AGBL4: variants seen among roughly 807,000 people sequenced by gnomAD.
AGBL4 encodes the protein AGBL carboxypeptidase 4, also known as cytosolic carboxypeptidase 6.
A neutral mutation model predicts 66.4 loss-of-function variants in AGBL4; 58 were observed. The observed-to-expected ratio is 0.87, with a 90% CI of 0.71 to 1.09. The LOEUF is 1.09. Among genes scored for constraint, AGBL4 ranks in the 50% least tolerant of loss-of-function variants. The pLI, the probability that AGBL4 is intolerant of heterozygous loss-of-function variation, is 0.00. For missense variants in AGBL4, 579 were observed against 631.0 expected, an observed-to-expected ratio of 0.92 and a Z score of 0.88; for synonymous variants, 234 against 222.9, an observed-to-expected ratio of 1.05 and a Z score of -0.44.
intron 3 of AGBL4, among the ~76,000 whole-genome samples, chr1:49,470,799 C>T (rs1036006351): frequency 6.6e-6 from 1 of 152,022 alleles, no homozygotes; most frequent in African/African-American, 2.4e-5. Context: ...TGCAGACATG[C>T]CTTTGAGCTG....
chr1:49,856,016 G>GAGA (rs1325832240), intron 1 of AGBL4, among the ~76,000 whole-genome samples: 3 of 143,214 alleles, frequency 2.1e-5, no homozygotes, highest in Non-Finnish European at 4.5e-5. Flanking sequence ...GATACAAAGA[G>GAGA]AGAAGACTCA....
rs1286100964 is a variant in AGBL4, at chr1:49,833,315, G to A, written c.157+18081C>T. Among the ~76,000 whole-genome samples the A allele has an allele frequency of 4.4e-4, 66 of 150,466 alleles. 1 individual carries two copies. Among genetic ancestry groups the A allele is most frequent in the Admixed American group, 7.9e-4 (12 of 15,120 alleles). ...GATCAGATAGTTGTAGATATGCGGC[G>A]TTATTTCTGAGGGCTCTGTTCTGTT... On this transcript the variant is annotated intron_variant, in intron 2 of 13. Coordinates refer to ENST00000371839, the MANE Select transcript of AGBL4 (RefSeq NM_032785.4).
intron 4 of AGBL4, among the ~76,000 whole-genome samples, chr1:49,060,232 A>T (rs1190442127): frequency 1.3e-5 from 2 of 152,116 alleles, no homozygotes; most frequent in East Asian, 1.9e-4. Flanking sequence ...TGTTCTCATG[A>T]TAGTGAGTGA....
intron 4 of AGBL4, among the ~76,000 whole-genome samples, chr1:49,223,720 C>T (rs1649677633): frequency 6.6e-6 from 1 of 152,202 alleles, no homozygotes. Flanking sequence ...TTTCTGTTCT[C>T]TGGATCTAAG....
chr1:49,579,918 C>T (rs900729090), intron 3 of AGBL4, among the ~76,000 whole-genome samples: 2 of 152,094 alleles, frequency 1.3e-5, no homozygotes, highest in Admixed American at 1.3e-4. Context: ...ATTGAAGTCC[C>T]CTGGTATTCT....
chr1:48,725,695 T>C, intron 6 of AGBL4, among the ~76,000 whole-genome samples: 1 of 152,208 alleles, frequency 6.6e-6, no homozygotes, highest in East Asian at 1.9e-4. Flanking sequence ...CTCCAGGACC[T>C]TGAGCAAGAA....
chr1:49,350,998 C>T (rs568854254), intron 3 of AGBL4, among the ~76,000 whole-genome samples: 1 of 152,316 alleles, frequency 6.6e-6, no homozygotes, highest in Non-Finnish European at 1.5e-5. Context: ...TTTGGGCACT[C>T]ACAGTTTTTT....
At chr1:49,400,367 T>G (rs185669231) in intron 3 of AGBL4, among the ~76,000 whole-genome samples, 1 of 147,544 alleles carries the variant, frequency 6.8e-6, no homozygotes, top group Admixed American at 6.9e-5. Context: ...CTATTCTGGG[T>G]CTTTTCTGAT....
At chr1:49,100,810 T>G (rs1476534814) in intron 4 of AGBL4, among the ~76,000 whole-genome samples, 2 of 152,160 alleles carry the variant, frequency 1.3e-5, no homozygotes, top group Non-Finnish European at 1.5e-5. Context: ...TATTATTATA[T>G]TACGTTCCTA....
At chr1:48,611,641 G>A (rs1291968106) in intron 9 of AGBL4, among the ~76,000 whole-genome samples, 14 of 152,054 alleles carry the variant, frequency 9.2e-5, no homozygotes, top group Admixed American at 9.2e-4. Flanking sequence ...CCAGAGTTTT[G>A]GCCATTATCC....
At chr1:49,573,413 A>G (rs916544444) in intron 3 of AGBL4, among the ~76,000 whole-genome samples, 15 of 152,162 alleles carry the variant, frequency 9.9e-5, no homozygotes, top group African/African-American at 3.6e-4. Context: ...AGAGTATACA[A>G]AATAAATGCA....
At position 49,730,099 on chromosome 1, in the gene AGBL4, T is replaced by G. The variant is rs377267883; in HGVS notation, c.158-32662A>C. ...TTCCAAACCTGTAAAAACCCTGGAC[T>G]CAGCCACACAGATGGCTTCTCACTT... On this transcript the variant is annotated intron_variant, in intron 2 of 13. Coordinates refer to ENST00000371839, the MANE Select transcript of AGBL4 (RefSeq NM_032785.4). Among the ~76,000 whole-genome samples the G allele has an allele frequency of 3.3e-4, 50 of 152,292 alleles. 1 individual carries two copies. The South Asian group carries it at 9.5e-3, about 29-fold the overall frequency.
At position 49,706,885 on chromosome 1, in the gene AGBL4, T is replaced by A. The variant is rs540508084; in HGVS notation, c.158-9448A>T. Reference sequence around the variant, plus strand: ...GAGTATCTTAATCTTGAACTCTAATTTGATTGCACTGTGGTCTGAAAGACT... The same window carrying A: ...GAGTATCTTAATCTTGAACTCTAATATGATTGCACTGTGGTCTGAAAGACT... On this transcript the variant is annotated intron_variant, in intron 2 of 13. Coordinates refer to ENST00000371839, the MANE Select transcript of AGBL4 (RefSeq NM_032785.4). 9.2e-5 allele frequency among the ~76,000 whole-genome samples: 14 copies of A among 152,308 alleles called. No individual in the cohort carries two copies. The South Asian group carries it at 2.9e-3, about 32-fold the overall frequency.
At chr1:49,476,448 A>G (rs1482924080) in intron 3 of AGBL4, among the ~76,000 whole-genome samples, 1 of 151,972 alleles carries the variant, frequency 6.6e-6, no homozygotes, top group East Asian at 1.9e-4. Flanking sequence ...ATTTAGGTCC[A>G]TATTTTTTTC....
chr1:48,845,569 A>G (rs1314065199), intron 6 of AGBL4, among the ~76,000 whole-genome samples: 1 of 152,214 alleles, frequency 6.6e-6, no homozygotes, highest in Non-Finnish European at 1.5e-5. Context: ...CTCTCTTTGC[A>G]AAAGCCTAAA....
At chr1:49,262,912 C>T (rs956069669) in intron 3 of AGBL4, among the ~76,000 whole-genome samples, 3 of 152,128 alleles carry the variant, frequency 2.0e-5, no homozygotes, top group African/African-American at 7.2e-5. Flanking sequence ...ACCCAAATGT[C>T]CAACAATGAT....
At chr1:48,620,475 T>C (rs1478436115) in intron 9 of AGBL4, among the ~76,000 whole-genome samples, 1 of 151,992 alleles carries the variant, frequency 6.6e-6, no homozygotes, top group Non-Finnish European at 1.5e-5. Context: ...GGAGGCTCTC[T>C]CTGTCTTGAA....
chr1:49,500,299 G>A (rs1185883815), intron 3 of AGBL4, among the ~76,000 whole-genome samples: 1 of 151,888 alleles, frequency 6.6e-6, no homozygotes, highest in Non-Finnish European at 1.5e-5. Context: ...TGCATAGTTT[G>A]CAAACATTTT....
intron 3 of AGBL4, among the ~76,000 whole-genome samples, chr1:49,686,921 A>T (rs1646797708): frequency 6.6e-6 from 1 of 152,166 alleles, no homozygotes; most frequent in South Asian, 2.1e-4. Flanking sequence ...CTTAATCCAA[A>T]TGAATAAATG....
Sources: gnomAD v4.1 joint callset for allele counts (sites outside exome capture counted in the v4.1 genomes callset) on GRCh38, gnomAD v4.1.1 for gene constraint, MANE v1.5 for transcripts, NCBI Gene and HGNC (gene_info 2026-07-23, HGNC 2026-07-21) for gene names.